RNF144A: variants seen among roughly 807,000 people sequenced by gnomAD.
RNF144A encodes the protein ring finger protein 144A, also known as E3 ubiquitin-protein ligase RNF144A.
RNF144A carries 11 observed loss-of-function variants against 38.7 expected under a neutral mutation model. That is an observed-to-expected ratio of 0.28 (90% CI 0.18 to 0.47). RNF144A has a LOEUF of 0.47. Ranked by LOEUF, RNF144A falls within the 20% of genes least tolerant of loss-of-function variation. The pLI, the probability that RNF144A is intolerant of heterozygous loss-of-function variation, is 0.99. For synonymous variants in RNF144A, 149 were observed against 143.9 expected (o/e 1.04, Z -0.25); for missense variants, 316 against 377.2 (o/e 0.84, Z 1.34).
intron 1 of RNF144A, among the ~76,000 whole-genome samples, chr2:6,931,778 G>A (rs1665221867): frequency 6.6e-6 from 1 of 152,106 alleles, no homozygotes; most frequent in African/African-American, 2.4e-5. Flanking sequence ...TAATTCCATT[G>A]TGATATGAGG....
At chr2:6,942,111 T>C (rs1666031167) in intron 2 of RNF144A, among the ~76,000 whole-genome samples, 1 of 152,154 alleles carries the variant, frequency 6.6e-6, no homozygotes, top group African/African-American at 2.4e-5. Flanking sequence ...TCTTGGAGGA[T>C]ATTGCAGATG....
rs749598065 is a variant in RNF144A at position 7,024,396 on chromosome 2, C to T, written c.537C>T (p.Asp179=). The change falls in exon 7 of 9, where the codon GAC becomes GAT. Residue 179 remains aspartate, a synonymous_variant. Transcript: ENST00000320892. ...CTGCTTTCAAAATGGAAGAAGATGA[C>T]GCGCCCATCAAGCGCTGCCCCAAGT... ...TSAAFKMEED[D]APIKRCPKCK... The T allele has an allele frequency of 2.1e-5, 33 of 1,609,024 alleles. No homozygotes were observed. The highest frequency in any genetic ancestry group is 1.5e-4 in the South Asian group (14 of 91,002).
chr2:6,952,846 A>C (rs1249676973), intron 2 of RNF144A, among the ~76,000 whole-genome samples: 1 of 152,070 alleles, frequency 6.6e-6, no homozygotes, highest in Non-Finnish European at 1.5e-5. Flanking sequence ...ACAGATTTTT[A>C]AATCTCTTCT....
At chr2:6,951,201 C>G (rs1482742362) in intron 2 of RNF144A, among the ~76,000 whole-genome samples, 2 of 151,828 alleles carry the variant, frequency 1.3e-5, no homozygotes, top group Admixed American at 1.3e-4. Flanking sequence ...TACGTAGTAA[C>G]ATTTATTGAA....
downstream of RNF144A, among the ~76,000 whole-genome samples, chr2:7,047,525 A>G (rs971783911): frequency 4.6e-5 from 7 of 152,194 alleles, no homozygotes; most frequent in Non-Finnish European, 8.8e-5. Context: ...CACTATCACG[A>G]GAATAGCGCA....
chr2:7,051,124 C>A (rs375905998), intron 6 of RNF144A, among the ~76,000 whole-genome samples: 24 of 152,284 alleles, frequency 1.6e-4, no homozygotes, highest in African/African-American at 5.5e-4. Context: ...AGCTCCACCC[C>A]CTGCAGGAGA....
intron 1 of RNF144A, among the ~76,000 whole-genome samples, chr2:6,926,651 C>A (rs1443023548): frequency 6.6e-6 from 1 of 152,188 alleles, no homozygotes; most frequent in Non-Finnish European, 1.5e-5. Context: ...TTGTACCCCT[C>A]TAGCACTCGG....
chr2:7,027,957 AT>A (rs1672024711), intron 7 of RNF144A, among the ~76,000 whole-genome samples: 1 of 120,352 alleles, frequency 8.3e-6, no homozygotes, highest in African/African-American at 3.2e-5. Flanking sequence ...GTTGGACCCC[AT>A]GCGGGTCTGG....
At chr2:7,068,788 T>C (rs1034618066), downstream of RNF144A, among the ~76,000 whole-genome samples, 1 of 152,148 alleles carries the variant, frequency 6.6e-6, no homozygotes, top group African/African-American at 2.4e-5. Context: ...CAAAGCAAAG[T>C]CACAGATAAT....
At chr2:6,965,436 C>T (rs1182488772) in intron 2 of RNF144A, among the ~76,000 whole-genome samples, 1 of 152,198 alleles carries the variant, frequency 6.6e-6, no homozygotes, top group African/African-American at 2.4e-5. Flanking sequence ...AACTTTGTGT[C>T]AATTACTCAA....
At chr2:7,062,845 A>C (rs1427439734) in intron 6 of RNF144A, 1 of 152,236 alleles carries the variant, frequency 6.6e-6, no homozygotes, top group Non-Finnish European at 1.5e-5. Flanking sequence ...TCACATTACA[A>C]ATTTGATAGT....
In RNF144A at chr2:7,039,812, C is replaced by T; in HGVS notation, c.*52C>T. ...CTGCCTCCGGGAAGTGTGGCTCTCC[C>T]CCAACCCTCCCCACCGTCCCCCCTT... On this transcript the variant is annotated 3_prime_UTR_variant, in exon 9 of 9. Coordinates refer to ENST00000320892, the MANE Select transcript of RNF144A (RefSeq NM_014746.6). 1.3e-6 allele frequency: 2 copies of T among 1,597,462 alleles called. No homozygotes were observed. Among genetic ancestry groups the T allele is most frequent in the East Asian group, 4.5e-5 (2 of 44,558 alleles).
Position 7,034,280 on chromosome 2 carries a change from A to T in RNF144A, c.747+4065A>T, listed in dbSNP as rs2103452848. On this transcript the variant is annotated intron_variant, in intron 8 of 8. Transcript: ENST00000320892. ...GAGCAAGACTCTGTCTCAAAAAAAA[A>T]AAAAAAGTTCACAAAAGTGCGGTGA... Among the ~76,000 whole-genome samples, 3 of 152,236 alleles carry T rather than the reference A, an allele frequency of 2.0e-5. No individual in the cohort carries two copies. In the South Asian group the frequency reaches 6.2e-4, roughly 32 times the overall value.
chr2:6,976,458 G>A (rs1452266571), intron 2 of RNF144A, among the ~76,000 whole-genome samples: 1 of 150,986 alleles, frequency 6.6e-6, no homozygotes, highest in African/African-American at 2.4e-5. Context: ...ATAAAGTTAT[G>A]TATGTATTAA....
At chr2:6,945,523 G>T (rs575234427) in intron 2 of RNF144A, among the ~76,000 whole-genome samples, 1 of 152,290 alleles carries the variant, frequency 6.6e-6, no homozygotes, top group East Asian at 1.9e-4. Flanking sequence ...TGCCAAATTG[G>T]AGGGAGACGG....
downstream of RNF144A, among the ~76,000 whole-genome samples, chr2:7,068,877 C>T (rs931764049): frequency 1.3e-5 from 2 of 152,154 alleles, no homozygotes; most frequent in Non-Finnish European, 2.9e-5. Context: ...GCTGAAGTCA[C>T]CACACACACA....
chr2:6,956,270 A>G (rs1220823157), intron 2 of RNF144A, among the ~76,000 whole-genome samples: 2 of 151,932 alleles, frequency 1.3e-5, no homozygotes, highest in African/African-American at 2.4e-5. Context: ...TAAGGTGCAC[A>G]GTTATAGCCA....
rs1673070846 is a variant in RNF144A at position 7,041,964 on chromosome 2, C to T, written c.*2204C>T. ...AGCCCCAGCCATCCTTGTGCCTTCACCTCTGATGTGTTTCACAAGCACGTA... is the reference window on the plus strand; with the variant it reads ...AGCCCCAGCCATCCTTGTGCCTTCATCTCTGATGTGTTTCACAAGCACGTA... On this transcript the variant is annotated 3_prime_UTR_variant, in exon 9 of 9. Transcript: ENST00000320892. 2.0e-6 allele frequency: 2 copies of T among 985,398 alleles called. No individual in the cohort carries two copies. Among genetic ancestry groups the T allele is most frequent in the Non-Finnish European group, 2.4e-6 (2 of 829,942 alleles). The allele number at this position is 985,398 out of a possible 1,614,324, so 61.0% of individuals were successfully genotyped here. A position where few individuals can be genotyped will look rare whatever the true frequency, so the allele number is the denominator to read the frequency against.
intron 2 of RNF144A, among the ~76,000 whole-genome samples, chr2:6,964,993 G>C (rs1306848454): frequency 6.6e-6 from 1 of 152,066 alleles, no homozygotes; most frequent in Admixed American, 6.5e-5. Context: ...AAAAAAGAGG[G>C]AGCATGGGTT....
Sources: allele counts gnomAD v4.1 joint callset (sites outside exome capture counted in the v4.1 genomes callset), GRCh38; gene constraint gnomAD v4.1.1; transcripts MANE v1.5; gene names NCBI Gene and HGNC (gene_info 2026-07-23, HGNC 2026-07-21).